Variants in SNX7 observed in about 807,000 individuals in gnomAD.
The protein encoded by SNX7 is sorting nexin-7.
Under a neutral mutation model 48.4 loss-of-function variants are expected in SNX7, and 35 were observed. The observed-to-expected ratio is 0.72, with a 90% confidence interval of 0.55 to 0.96. The LOEUF is 0.96. Ranked by LOEUF, SNX7 falls within the 40% of genes least tolerant of loss-of-function variation. SNX7 has a pLI of 0.00. For synonymous variants in SNX7, 190 were observed against 190.2 expected (o/e 1.00, Z 0.01); for missense variants, 553 against 548.9 (o/e 1.01, Z -0.07).
At chr1:98,703,261 C>T (rs527988541) in intron 7 of SNX7, among the ~76,000 whole-genome samples, 2 of 152,150 alleles carry the variant, frequency 1.3e-5, no homozygotes, top group Non-Finnish European at 2.9e-5. Context: ...GAAGTCTCTA[C>T]AAAATCAGAA....
At chr1:98,721,984 A>G (rs888464087) in intron 7 of SNX7, among the ~76,000 whole-genome samples, 2 of 152,078 alleles carry the variant, frequency 1.3e-5, no homozygotes, top group Non-Finnish European at 2.9e-5. Context: ...CTTTTGTTGT[A>G]TAGAAGATTC....
At chr1:98,728,875 A>C (rs1196476064) in intron 7 of SNX7, among the ~76,000 whole-genome samples, 2 of 152,212 alleles carry the variant, frequency 1.3e-5, no homozygotes, top group Non-Finnish European at 2.9e-5. Context: ...TTTCAGTATT[A>C]CACAGATCAT....
chr1:98,676,376 T>G (rs1462742269), intron 1 of SNX7, among the ~76,000 whole-genome samples: 2 of 152,320 alleles, frequency 1.3e-5, no homozygotes, highest in East Asian at 1.9e-4. Context: ...TGCTTCTAAA[T>G]TTTCTGTGTC....
intron 7 of SNX7, among the ~76,000 whole-genome samples, chr1:98,716,081 G>C (rs1269261841): frequency 6.6e-6 from 1 of 152,116 alleles, no homozygotes; most frequent in Non-Finnish European, 1.5e-5. Context: ...GACAGCGAGA[G>C]ACAGGCTCTC....
intron 1 of SNX7, among the ~76,000 whole-genome samples, chr1:98,673,892 A>G (rs907152434): frequency 9.2e-5 from 14 of 152,342 alleles, no homozygotes; most frequent in Admixed American, 9.1e-4. Context: ...GAAAACTCTC[A>G]GTATTTGCTA....
intron 7 of SNX7, among the ~76,000 whole-genome samples, chr1:98,728,589 A>G (rs1653317747): frequency 6.6e-6 from 1 of 152,210 alleles, no homozygotes; most frequent in Non-Finnish European, 1.5e-5. Context: ...GGCTTAAAAT[A>G]AAGGTATGGA....
At chr1:98,724,409 G>A (rs532349805) in intron 7 of SNX7, among the ~76,000 whole-genome samples, 3 of 151,420 alleles carry the variant, frequency 2.0e-5, no homozygotes, top group Non-Finnish European at 2.9e-5. Flanking sequence ...TGCTAGCCTC[G>A]TAAATTTTTA....
intron 8 of SNX7, among the ~76,000 whole-genome samples, chr1:98,740,835 C>T (rs1201211643): frequency 6.6e-6 from 1 of 152,118 alleles, no homozygotes; most frequent in Admixed American, 6.6e-5. Context: ...TTGTGTCCTC[C>T]ATCTTAAATG....
intron 7 of SNX7, among the ~76,000 whole-genome samples, chr1:98,706,820 A>C (rs1423762862): frequency 2.0e-5 from 3 of 152,124 alleles, no homozygotes; most frequent in Admixed American, 2.0e-4. Flanking sequence ...CTGAGGTTTT[A>C]GACAGAGCAA....
chr1:98,684,491 A>T (rs1055442028), intron 1 of SNX7, among the ~76,000 whole-genome samples: 9 of 152,144 alleles, frequency 5.9e-5, no homozygotes, highest in African/African-American at 1.9e-4. Context: ...GAGAGGCACT[A>T]GCTCGTTCCC....
intron 1 of SNX7, among the ~76,000 whole-genome samples, chr1:98,681,537 A>T (rs1650490095): frequency 6.6e-6 from 1 of 152,236 alleles, no homozygotes. Context: ...CTACCTTAAA[A>T]TGGTGATAAG....
chr1:98,741,180 C>T (rs893877009), intron 8 of SNX7, among the ~76,000 whole-genome samples: 20 of 152,100 alleles, frequency 1.3e-4, no homozygotes, highest in African/African-American at 2.9e-4. Context: ...ATTCCCAAAA[C>T]GGTCTGTTCC....
chr1:98,714,476 A>C (rs1298389502), intron 7 of SNX7, among the ~76,000 whole-genome samples: 1 of 111,450 alleles, frequency 9.0e-6, no homozygotes, highest in African/African-American at 3.1e-5. Context: ...ATAAGTAAAA[A>C]AATTAAATGA....
chr1:98,738,128 AAG>A (rs1653883766), intron 7 of SNX7, 107 bp from the exon 8 acceptor site: 4 of 1,145,106 alleles, frequency 3.5e-6, no homozygotes, highest in East Asian at 2.5e-5. Flanking sequence ...AAAAACAAAA[AAG>A]AGTTATATTT....
intron 1 of SNX7, among the ~76,000 whole-genome samples, chr1:98,668,582 A>C (rs1488529349): frequency 6.6e-6 from 1 of 152,198 alleles, no homozygotes; most frequent in South Asian, 2.1e-4. Context: ...CGTATTTGCT[A>C]TCCATGAAAG....
intron 1 of SNX7, among the ~76,000 whole-genome samples, chr1:98,681,144 C>T (rs998906601): frequency 3.3e-5 from 5 of 152,182 alleles, no homozygotes; most frequent in African/African-American, 1.2e-4. Context: ...ACATGGATGG[C>T]AGCAGGCCGA....
intron 7 of SNX7, among the ~76,000 whole-genome samples, chr1:98,715,441 C>T (rs1218534522): frequency 1.3e-5 from 2 of 152,152 alleles, no homozygotes; most frequent in East Asian, 3.8e-4. Flanking sequence ...TCCAGCTTCT[C>T]CACTATAAAA....
chr1:98,661,703 T>TGGCGGC, upstream of SNX7: 2 of 1,203,670 alleles, frequency 1.7e-6, no homozygotes, highest in Non-Finnish European at 2.1e-6. Flanking sequence ...GCGGCGGCGG[T>TGGCGGC]GGCGGCCGGC....
rs569994575 is a variant in SNX7 at position 98,696,851 on chromosome 1, A to G, written c.838+1135A>G. 2.6e-5 allele frequency among the ~76,000 whole-genome samples: 4 copies of G among 152,172 alleles called. No homozygotes were observed. The South Asian group carries it at 8.3e-4, about 32-fold the overall frequency. On this transcript the variant is annotated intron_variant, in intron 5 of 8. Transcript: ENST00000306121. Reference sequence around the variant, plus strand: ...CAATTCAAAGAGATGTCTGGAAACTATTGGTAGTTAAGAGCTTTATAAACT... The same window carrying G: ...CAATTCAAAGAGATGTCTGGAAACTGTTGGTAGTTAAGAGCTTTATAAACT...
Sources: allele counts gnomAD v4.1 joint callset (sites outside exome capture counted in the v4.1 genomes callset), GRCh38; gene constraint gnomAD v4.1.1; transcripts MANE v1.5; gene names NCBI Gene and HGNC (gene_info 2026-07-23, HGNC 2026-07-21).